CDC14A: variants seen among roughly 807,000 people sequenced by gnomAD.
CDC14A encodes the protein cell division cycle 14A.
Under a neutral mutation model 74.4 loss-of-function variants are expected in CDC14A, and 53 were observed. The observed-to-expected ratio is 0.71, with a 90% CI of 0.57 to 0.89. CDC14A has a LOEUF of 0.89. Among genes scored for constraint, CDC14A ranks in the 40% least tolerant of loss-of-function variants. The pLI, the probability that CDC14A is intolerant of heterozygous loss-of-function variation, is 0.00. For synonymous variants in CDC14A, 247 were observed against 258.4 expected (o/e 0.96, Z 0.43); for missense variants, 646 against 713.7 (o/e 0.91, Z 1.08).
intron 15 of CDC14A, chr1:100,504,784 T>G (rs1349000279): frequency 6.6e-7 from 1 of 1,504,352 alleles, no homozygotes; most frequent in South Asian, 1.2e-5. Context: ...GCATTTACCT[T>G]GCTTATTCTC....
chr1:100,498,991 C>T lies in CDC14A; in HGVS notation c.1484C>T (p.Pro495Leu), dbSNP rs750119467. 9 of 1,614,136 alleles carry T rather than the reference C, an allele frequency of 5.6e-6. No individual in the cohort carries two copies. Among genetic ancestry groups the T allele is most frequent in the Non-Finnish European group, 7.6e-6 (9 of 1,180,020 alleles). The change falls in exon 15 of 16, where the codon CCA becomes CTA. Residue 495 changes from proline (P) to leucine (L), a missense_variant. Physicochemically the swap from Pro to Leu is moderately conservative, Grantham distance 98. Coordinates refer to ENST00000336454, the MANE Select transcript of CDC14A (RefSeq NM_003672.4). Reference sequence around the variant, plus strand: ...AACTTGAATGCTGCAACAGATGATCCAGAGAACAAAAAGACCTCCTCATCC... The same window carrying T: ...AACTTGAATGCTGCAACAGATGATCTAGAGAACAAAAAGACCTCCTCATCC... Reference protein sequence around the residue: ...LGNLNAATDDPENKKTSSSSK... With the variant: ...LGNLNAATDDLENKKTSSSSK...
chr1:100,439,836 C>A, intron 5 of CDC14A, 96 bp from the exon 6 acceptor site: 1 of 823,058 alleles, frequency 1.2e-6, no homozygotes, highest in Non-Finnish European at 2.1e-6. Flanking sequence ...GCTGTGAAGC[C>A]AAACAAGCAC....
intron 11 of CDC14A, 151 bp from the exon 12 acceptor site, chr1:100,494,667 G>A (rs1352795976): frequency 1.8e-6 from 1 of 545,510 alleles, no homozygotes; most frequent in Non-Finnish European, 3.3e-6. Flanking sequence ...GTTCTTTTGT[G>A]TAAACTTTGA....
At chr1:100,491,333 G>A (rs1220282411) in intron 11 of CDC14A, among the ~76,000 whole-genome samples, 1 of 16,850 alleles carries the variant, frequency 5.9e-5, no homozygotes, top group Non-Finnish European at 1.8e-3. Context: ...GAAAATTCTG[G>A]AAGACTATGT....
At chr1:100,489,174 G>C (rs909382668) in intron 11 of CDC14A, among the ~76,000 whole-genome samples, 1 of 152,162 alleles carries the variant, frequency 6.6e-6, no homozygotes, top group African/African-American at 2.4e-5. Context: ...CATCTCATAG[G>C]TTCAACATCT....
At chr1:100,424,710 C>CT (rs748866973) in intron 5 of CDC14A, among the ~76,000 whole-genome samples, 7 of 152,184 alleles carry the variant, frequency 4.6e-5, no homozygotes, top group Admixed American at 1.3e-4. Context: ...ATAAGACCCT[C>CT]TAAGATTCTT....
intron 15 of CDC14A, among the ~76,000 whole-genome samples, chr1:100,517,185 T>C (rs938997677): frequency 6.6e-6 from 1 of 152,200 alleles, no homozygotes; most frequent in Admixed American, 6.5e-5. Context: ...TCACTGCAGT[T>C]TTGAAGCTGA....
chr1:100,480,759 A>G (rs1024437559), intron 10 of CDC14A, among the ~76,000 whole-genome samples: 2 of 152,224 alleles, frequency 1.3e-5, no homozygotes, highest in African/African-American at 2.4e-5. Context: ...AAGCAGTGAT[A>G]TATTAGGCTT....
At chr1:100,388,609 T>C (rs1219399920) in intron 3 of CDC14A, among the ~76,000 whole-genome samples, 1 of 152,194 alleles carries the variant, frequency 6.6e-6, no homozygotes, top group Non-Finnish European at 1.5e-5. Flanking sequence ...TGTTTGATTT[T>C]TGTTTGTTTG....
intron 3 of CDC14A, among the ~76,000 whole-genome samples, chr1:100,389,839 A>G (rs546080504): frequency 1.4e-4 from 21 of 152,206 alleles, no homozygotes; most frequent in Non-Finnish European, 2.8e-4. Flanking sequence ...AGCTCATTAA[A>G]GACAGTTTAT....
intron 4 of CDC14A, among the ~76,000 whole-genome samples, chr1:100,414,495 G>C (rs1053639107): frequency 1.6e-4 from 24 of 152,132 alleles, no homozygotes; most frequent in African/African-American, 5.8e-4. Context: ...CAAAGTTATG[G>C]TTCCTTGCCT....
chr1:100,499,598 C>T, intron 15 of CDC14A: 1 of 611,740 alleles, frequency 1.6e-6, no homozygotes. Context: ...TGTTTCCAAT[C>T]ACTCTGAATA....
intron 2 of CDC14A, among the ~76,000 whole-genome samples, chr1:100,368,171 A>G (rs1653929523): frequency 6.6e-6 from 1 of 152,186 alleles, no homozygotes; most frequent in South Asian, 2.1e-4. Flanking sequence ...TTATTTTGAT[A>G]TGTCTTTTCA....
intron 4 of CDC14A, among the ~76,000 whole-genome samples, chr1:100,419,128 G>A (rs1303146534): frequency 6.6e-6 from 1 of 152,228 alleles, no homozygotes; most frequent in Non-Finnish European, 1.5e-5. Context: ...GGAGGTTGTA[G>A]TGAGCTGAGA....
intron 2 of CDC14A, among the ~76,000 whole-genome samples, chr1:100,374,247 A>T (rs112585526): frequency 1.3e-4 from 20 of 152,218 alleles, no homozygotes; most frequent in African/African-American, 4.6e-4. Flanking sequence ...GCTATTGTGA[A>T]TAGAGCCGCA....
At chr1:100,465,487 T>C (rs1341157555) in intron 9 of CDC14A, among the ~76,000 whole-genome samples, 3 of 152,236 alleles carry the variant, frequency 2.0e-5, no homozygotes, top group African/African-American at 7.2e-5. Flanking sequence ...TTATTAATTA[T>C]TTTGACATCT....
chr1:100,352,852 G>C lies in CDC14A; in HGVS notation c.-103G>C. The C allele has an allele frequency of 6.3e-7, 1 of 1,582,114 alleles. No individual in the cohort carries two copies. The highest frequency in any genetic ancestry group is 2.3e-5 in the East Asian group (1 of 43,656). On this transcript the variant is annotated 5_prime_UTR_variant, in exon 1 of 16. Coordinates refer to ENST00000336454, the MANE Select transcript of CDC14A (RefSeq NM_003672.4). ...CCTCCCTCGGCCAGGCTTGTTGTTC[G>C]GGACTGTGAGCTTCCTGGCTCCTGG...
chr1:100,485,133 G>T, intron 11 of CDC14A: 1 of 985,270 alleles, frequency 1.0e-6, no homozygotes, highest in South Asian at 4.7e-5. Context: ...TAAGAATTAG[G>T]ATTATGAGCA....
At chr1:100,351,321 G>C (rs1372046681), upstream of CDC14A, among the ~76,000 whole-genome samples, 2 of 152,148 alleles carry the variant, frequency 1.3e-5, no homozygotes, top group Admixed American at 6.5e-5. Context: ...ACAAGCGACT[G>C]CGAAGGAAAA....
Sources: allele counts gnomAD v4.1 joint callset (sites outside exome capture counted in the v4.1 genomes callset), GRCh38; gene constraint gnomAD v4.1.1; transcripts MANE v1.5; gene names NCBI Gene and HGNC (gene_info 2026-07-23, HGNC 2026-07-21).